MESP1: variants seen among roughly 807,000 people sequenced by gnomAD.
MESP1 encodes mesoderm posterior protein 1.
Under a neutral mutation model 15.2 loss-of-function variants are expected in MESP1, and 22 were observed. The ratio of observed to expected loss-of-function variants is 1.45; its 90% CI spans 1.04 to 2.07. The LOEUF is 2.07. Ranked by LOEUF, MESP1 falls within the 30% of genes most tolerant of loss-of-function variation. MESP1 has a pLI of 0.00. For missense variants in MESP1, 484 were observed against 411.9 expected (o/e 1.17, Z -1.51); for synonymous variants, 216 against 192.6 (o/e 1.12, Z -1.01).
downstream of MESP1, among the ~76,000 whole-genome samples, chr15:89,745,506 G>C (rs756628714): frequency 3.7e-4 from 56 of 152,304 alleles, no homozygotes; most frequent in South Asian, 8.3e-4. This position sits in a 1 kb window ranked among gnomAD's most constrained non-coding sequence, Gnocchi z 4.8. Context: ...GCTCAAGCCT[G>C]TAATCCCAGC....
At chr15:89,736,843 G>C in the MESP1 span, among the ~76,000 whole-genome samples, 3 of 151,186 alleles carry the variant, frequency 2.0e-5, no homozygotes, top group South Asian at 4.2e-4. Flanking sequence ...CCAGGCTGGA[G>C]TGCAGTGGTG....
At chr15:89,737,662 T>TC in the MESP1 span, 2 of 1,614,198 alleles carry the variant, frequency 1.2e-6, no homozygotes. Flanking sequence ...CGGGAGCCTT[T>TC]CCTCTGGAGG....
downstream of MESP1, among the ~76,000 whole-genome samples, chr15:89,746,708 TCCACACACACACAGCCCTACCTCC>T (rs1967965838): frequency 2.3e-5 from 1 of 43,940 alleles, no homozygotes; most frequent in Non-Finnish European, 4.5e-5. Flanking sequence ...CAGCCCCGCC[TCCACACACACACAGCCCTACCTCC>T]CCACACATAT....
At chr15:89,732,615 CCACACACACA>C in the MESP1 span, among the ~76,000 whole-genome samples, 14 of 148,560 alleles carry the variant, frequency 9.4e-5, no homozygotes, top group Non-Finnish European at 1.9e-4. Flanking sequence ...TGTTGTTTGG[CCACACACACA>C]CACACACACA....
chr15:89,748,116 T>C (rs113616368), downstream of MESP1, among the ~76,000 whole-genome samples: 1 of 152,238 alleles, frequency 6.6e-6, no homozygotes, highest in Non-Finnish European at 1.5e-5. Flanking sequence ...GGCTAGCCAA[T>C]GAGCCCCACT....
In MESP1 at chr15:89,750,900, G is replaced by A. The variant is rs569895127; in HGVS notation, c.332C>T (p.Pro111Leu). 299 of 1,491,532 alleles carry A rather than the reference G, an allele frequency of 2.0e-4. No individual in the cohort carries two copies. The highest frequency in any genetic ancestry group is 2.6e-4 in the Non-Finnish European group (292 of 1,126,258). The allele number at this position is 1,491,532 out of a possible 1,614,324, so 92.4% of individuals were successfully genotyped here. A position where few individuals can be genotyped will look rare whatever the true frequency, so the allele number is the denominator to read the frequency against. Residue 111 changes from proline (P) to leucine (L), a missense_variant, in exon 1 of 2, where the codon CCG becomes CTG. Physicochemically the swap from Pro to Leu is moderately conservative, Grantham distance 98. Coordinates refer to ENST00000300057, the MANE Select transcript of MESP1 (RefSeq NM_018670.4). The stretch of plus-strand genomic sequence containing the variant: ...GCTCTGGCCCGCGGGCGCCACGGAC[G>A]GCGGTAGAAAGCGGCGCAGCTCGTG... ...ALHELRRFLP[P>L]SVAPAGQSLT...
chr15:89,732,615 C>CCACA, the MESP1 span, among the ~76,000 whole-genome samples: 23,881 of 148,440 alleles, frequency 0.16, 2,165 homozygotes, highest in Middle Eastern at 0.22. Context: ...TGTTGTTTGG[C>CCACA]CACACACACA....
downstream of MESP1, chr15:89,749,180 A>G (rs959450371): frequency 6.6e-6 from 1 of 152,144 alleles, no homozygotes; most frequent in African/African-American, 2.4e-5. Context: ...GTGGATTCCG[A>G]TGCAACCCCA....
chr15:89,750,266 G>A (rs1233006203), intron 1 of MESP1, 39 bp from the exon 2 acceptor site: 1 of 1,609,266 alleles, frequency 6.2e-7, no homozygotes, highest in Non-Finnish European at 8.5e-7. Flanking sequence ...CTCAAGCACT[G>A]GTGGCCTTGT....
At chr15:89,738,594 T>C in the MESP1 span, among the ~76,000 whole-genome samples, 1 of 132,682 alleles carries the variant, frequency 7.5e-6, no homozygotes, top group Admixed American at 8.6e-5. Flanking sequence ...ACCACTGCAC[T>C]CCAGCCTAGG....
At chr15:89,749,838 G>A, downstream of MESP1, 1 of 335,436 alleles carries the variant, frequency 3.0e-6, no homozygotes, top group Non-Finnish European at 5.8e-6. Context: ...GAGAGAGGGA[G>A]CTCTGTGTCC....
chr15:89,735,567 G>T, the MESP1 span: 90 of 1,613,132 alleles, frequency 5.6e-5, 1 homozygote, highest in Non-Finnish European at 7.5e-5. Context: ...GGTTCCCCAT[G>T]CCTCTCTGTA....
In MESP1 at chr15:89,750,764, G is replaced by T. The variant is rs370687876; in HGVS notation, c.468C>A (p.Asp156Glu). Residue 156 changes from aspartate to glutamate, a missense_variant, in exon 1 of 2, where the codon GAC becomes GAA. Transcript: ENST00000300057. ...GCGGGCAGCCCCGAGGGGACCCCGC[G>T]TCACCGCGCTGCCGGCACCGGCGCT... ...SLQRRCRQRG[D>E]AGSPRGCPLC... is the part of the protein sequence containing the mutation. The T allele has an allele frequency of 1.3e-6, 2 of 1,489,430 alleles. No individual in the cohort carries two copies. The allele number at this position is 1,489,430 out of a possible 1,614,324, so 92.3% of individuals were successfully genotyped here.
At chr15:89,737,546 C>G in the MESP1 span, 1 of 1,613,736 alleles carries the variant, frequency 6.2e-7, no homozygotes, top group African/African-American at 1.3e-5. Context: ...CAGTAGAAGC[C>G]CCCCTCACCA....
chr15:89,735,550 C>T, the MESP1 span: 2 of 1,614,124 alleles, frequency 1.2e-6, no homozygotes, highest in East Asian at 2.2e-5. Context: ...CCTTACCTGG[C>T]ATGGTAGGTT....
Position 89,750,222 on chromosome 15 carries a change from A to T in MESP1, c.729T>A (p.Leu243=). 1 of 1,613,960 alleles carries T rather than the reference A, an allele frequency of 6.2e-7. No individual in the cohort carries two copies. Among genetic ancestry groups the T allele is most frequent in the Non-Finnish European group, 8.5e-7 (1 of 1,179,956 alleles). Residue 243 remains leucine (L), a synonymous_variant, in exon 2 of 2, where the codon CTT becomes CTA. Coordinates refer to ENST00000300057, the MANE Select transcript of MESP1 (RefSeq NM_018670.4). The part of the protein sequence containing the change: ...AMEPSPPSPL[L]PGDVLALLET... ...CCAACAGAGCCAGCACGTCGCCCGG[A>T]AGGAGCTGTAGGGAGAGACGGAACA...
rs1329555712 is a variant in MESP1 at position 89,750,625 on chromosome 15, A to G, written c.607T>C (p.Ser203Pro). Residue 203 changes from serine to proline, a missense_variant, in exon 1 of 2, where the codon TCC becomes CCC. Coordinates refer to ENST00000300057, the MANE Select transcript of MESP1 (RefSeq NM_018670.4). Reference protein sequence around the residue: ...SAVRAGASWGSPPACPGARAA... With the variant: ...SAVRAGASWGPPPACPGARAA... ...CGGGCTCCGGGGCAGGCAGGCGGGG[A>G]TCCCCAGGACGCCCCGGCGCGGACG... 11 of 1,385,188 alleles carry G rather than the reference A, an allele frequency of 7.9e-6. No homozygotes were observed. Among genetic ancestry groups the G allele is most frequent in the Non-Finnish European group, 1.0e-5 (11 of 1,078,600 alleles). The allele number at this position is 1,385,188 out of a possible 1,614,324, so 85.8% of individuals were successfully genotyped here.
At chr15:89,747,653 G>A (rs1327226273), downstream of MESP1, among the ~76,000 whole-genome samples, 4 of 152,202 alleles carry the variant, frequency 2.6e-5, no homozygotes, top group African/African-American at 7.2e-5. Flanking sequence ...GTGTTCAGCC[G>A]AAGCGAAGGC....
the MESP1 span, among the ~76,000 whole-genome samples, chr15:89,743,128 G>A: frequency 6.6e-6 from 1 of 152,234 alleles, no homozygotes; most frequent in South Asian, 2.1e-4. Flanking sequence ...GGCCTTCTGA[G>A]CACCTGCTGT....
Sources: gnomAD v4.1 joint callset for allele counts (sites outside exome capture counted in the v4.1 genomes callset) on GRCh38, gnomAD v4.1.1 for gene constraint, Gnocchi (gnomAD v3.1) non-coding constraint, MANE v1.5 for transcripts, NCBI Gene and HGNC (gene_info 2026-07-23, HGNC 2026-07-21) for gene names.